Variants in GALC observed in about 807,000 individuals in gnomAD.
GALC encodes the protein galactosylceramidase.
Under a neutral mutation model 91.8 loss-of-function variants are expected in GALC, and 77 were observed. The observed-to-expected ratio is 0.84, with a 90% CI of 0.70 to 1.01. GALC has a LOEUF of 1.01. Ranked by LOEUF, GALC falls within the 50% of genes least tolerant of loss-of-function variation. The pLI is 0.00. For synonymous variants in GALC, 357 were observed against 306.7 expected (o/e 1.16, Z -1.71); for missense variants, 882 against 855.9 (o/e 1.03, Z -0.38).
chr14:87,957,161 C>G lies in GALC; in HGVS notation c.1161+6223G>C, dbSNP rs151226375. On this transcript the variant is annotated intron_variant, in intron 10 of 16. Transcript: ENST00000261304. ...TTCCTTATAGATTCTGGATGCTAGT[C>G]TTTTGTCAGATGCATAATTTGTAAA... Among the ~76,000 whole-genome samples, 38 of 152,146 alleles carry G rather than the reference C, an allele frequency of 2.5e-4. No individual in the cohort carries two copies. In the East Asian group the frequency reaches 6.4e-3, roughly 26 times the overall value.
chr14:87,993,073 A>C lies in GALC; in HGVS notation c.92T>G (p.Leu31Trp). The C allele has an allele frequency of 6.3e-7, 1 of 1,579,716 alleles. No individual in the cohort carries two copies. The highest frequency in any genetic ancestry group is 8.6e-7 in the Non-Finnish European group (1 of 1,163,724). Residue 31 changes from leucine to tryptophan, a missense_variant, in exon 1 of 17, where the codon TTG (leucine) becomes TGG (tryptophan). Physicochemically the swap from Leu to Trp is moderately conservative, Grantham distance 61 (BLOSUM62 -2). Coordinates refer to ENST00000261304, the MANE Select transcript of GALC (RefSeq NM_000153.4). ...GGGCGCCAGCAGCGCACACAGCAGCAAGGGCACCGCGGCGCGGCCCGCCGA... is the reference window on the plus strand; with the variant it reads ...GGGCGCCAGCAGCGCACACAGCAGCCAGGGCACCGCGGCGCGGCCCGCCGA... ...AGSAGRAAVP[L>W]LLCALLAPGG...
chr14:87,940,123 T>G, intron 15 of GALC, 142 bp from the exon 16 acceptor site: 1 of 746,474 alleles, frequency 1.3e-6, no homozygotes, highest in South Asian at 1.4e-5. Flanking sequence ...CATTCCCAGA[T>G]CTACAACTGA....
chr14:87,965,409 G>A (rs768512142), intron 9 of GALC, 96 bp downstream of exon 9: 85 of 1,311,922 alleles, frequency 6.5e-5, no homozygotes, highest in Middle Eastern at 1.9e-4. Flanking sequence ...CTTAAAACAC[G>A]CATAGACACA....
intron 4 of GALC, 127 bp from the exon 5 acceptor site, chr14:87,984,660 G>C: frequency 1.1e-6 from 1 of 886,396 alleles, no homozygotes; most frequent in Non-Finnish European, 1.8e-6. Flanking sequence ...CTGACTAAAG[G>C]AAAGTTTATA....
At chr14:87,978,095 C>G (rs1052396021) in intron 6 of GALC, among the ~76,000 whole-genome samples, 1 of 152,170 alleles carries the variant, frequency 6.6e-6, no homozygotes, top group African/African-American at 2.4e-5. Context: ...TCTTGTTGCC[C>G]AGGCTGGGGT....
intron 6 of GALC, among the ~76,000 whole-genome samples, chr14:87,980,940 A>T (rs1458200353): frequency 2.6e-5 from 4 of 152,146 alleles, no homozygotes; most frequent in African/African-American, 4.8e-5. Flanking sequence ...TTCAAAGAAA[A>T]TTTTTTTCTA....
rs1884485838 is a variant in GALC, at chr14:87,934,493, T to C, written c.*239A>G. ...CCTAAGGGTATGGCCAATGCACAGT[T>C]TGAATGTTAGGGAACACACCAGGTA... On this transcript the variant is annotated 3_prime_UTR_variant, in exon 17 of 17. Transcript: ENST00000261304. 1 of 1,397,608 alleles carries C rather than the reference T, an allele frequency of 7.2e-7. No individual in the cohort carries two copies. Among genetic ancestry groups the C allele is most frequent in the African/African-American group, 1.4e-5 (1 of 68,998 alleles). 86.6% of individuals were successfully genotyped at this position (1,397,608 alleles called of 1,614,324 possible).
intron 1 of GALC, 130 bp downstream of exon 1, chr14:87,992,840 G>A: frequency 3.6e-6 from 5 of 1,401,250 alleles, no homozygotes; most frequent in Non-Finnish European, 4.6e-6. Context: ...CTGCTGACTG[G>A]CACCCTAGGG....
chr14:87,946,040 T>TG (rs1885058577), intron 13 of GALC, among the ~76,000 whole-genome samples: 1 of 152,062 alleles, frequency 6.6e-6, no homozygotes, highest in Non-Finnish European at 1.5e-5. Flanking sequence ...TCTGTCGCCC[T>TG]GGACAAGCTA....
At chr14:87,969,401 T>C (rs547165536) in intron 7 of GALC, among the ~76,000 whole-genome samples, 1 of 152,278 alleles carries the variant, frequency 6.6e-6, no homozygotes, top group African/African-American at 2.4e-5. Flanking sequence ...GGGGAGTCAG[T>C]TGGTGGAAGT....
chr14:87,992,155 G>T, intron 1 of GALC: 1 of 814,654 alleles, frequency 1.2e-6, no homozygotes, highest in Non-Finnish European at 2.0e-6. Flanking sequence ...CCTTGCAGCA[G>T]GCATTCAAGC....
At chr14:87,940,902 C>T (rs990532050) in intron 15 of GALC, among the ~76,000 whole-genome samples, 7 of 151,800 alleles carry the variant, frequency 4.6e-5, no homozygotes, top group Admixed American at 4.6e-4. Context: ...ATTATCCTAC[C>T]TAACACAAGG....
chr14:87,948,812 TAC>T (rs1225733765), intron 12 of GALC, among the ~76,000 whole-genome samples: 9 of 152,132 alleles, frequency 5.9e-5, no homozygotes, highest in Admixed American at 2.6e-4. Flanking sequence ...CAGAACTTAA[TAC>T]ATAATAAGGT....
At chr14:87,940,695 A>G (rs1192999798) in intron 15 of GALC, among the ~76,000 whole-genome samples, 1 of 151,908 alleles carries the variant, frequency 6.6e-6, no homozygotes, top group African/African-American at 2.4e-5. Context: ...TATTTTATTT[A>G]TGGAGTCAAA....
At chr14:87,968,143 A>G (rs1886131942) in intron 8 of GALC, among the ~76,000 whole-genome samples, 192 bp downstream of exon 8, 1 of 152,156 alleles carries the variant, frequency 6.6e-6, no homozygotes, top group Non-Finnish European at 1.5e-5. Flanking sequence ...ACTTTATTTA[A>G]TATAGACTAT....
At chr14:87,975,348 A>C (rs1177832267) in intron 7 of GALC, among the ~76,000 whole-genome samples, 1 of 152,130 alleles carries the variant, frequency 6.6e-6, no homozygotes, top group Non-Finnish European at 1.5e-5. Context: ...CCATGCATGA[A>C]TTTTAAATGG....
At chr14:87,991,491 C>T (rs1186705487) in intron 1 of GALC, among the ~76,000 whole-genome samples, 1 of 152,200 alleles carries the variant, frequency 6.6e-6, no homozygotes, top group African/African-American at 2.4e-5. Context: ...CGTGAGCCAC[C>T]GTGCCCGGCC....
chr14:87,945,779 G>C (rs1885049225), intron 13 of GALC, 46 bp from the exon 14 acceptor site: 1 of 1,382,062 alleles, frequency 7.2e-7, no homozygotes, highest in Non-Finnish European at 1.0e-6. Flanking sequence ...AAATCCTTCA[G>C]AAGCTCTCCT....
chr14:87,959,294 T>A (rs1751028355), intron 10 of GALC, among the ~76,000 whole-genome samples: 1 of 152,122 alleles, frequency 6.6e-6, no homozygotes, highest in South Asian at 2.1e-4. Context: ...CTACTTAGAA[T>A]GGCTATTACC....
Sources: allele counts gnomAD v4.1 joint callset (sites outside exome capture counted in the v4.1 genomes callset), GRCh38; gene constraint gnomAD v4.1.1; transcripts MANE v1.5; gene names NCBI Gene and HGNC (gene_info 2026-07-23, HGNC 2026-07-21).